The following ADTRP variants were observed in gnomAD, a reference collection of about 807,000 sequenced individuals.
ADTRP encodes the protein androgen-dependent TFPI-regulating protein.
In ADTRP, 20 loss-of-function variants were observed where a neutral mutation model predicts 27.0. The ratio of observed to expected loss-of-function variants is 0.74; its 90% CI spans 0.52 to 1.08. The LOEUF (loss-of-function observed/expected upper bound fraction) is 1.08. ADTRP is among the 50% of genes least tolerant of loss of function. The pLI is 0.00. For missense variants in ADTRP, 251 were observed against 275.0 expected (o/e 0.91, Z 0.62); for synonymous variants, 101 against 105.2 (o/e 0.96, Z 0.25).
intron 1 of ADTRP, chr6:11,770,127 G>T (rs141763751): frequency 2.0e-6 from 3 of 1,524,396 alleles, no homozygotes; most frequent in Non-Finnish European, 2.7e-6. Flanking sequence ...GTTTCTGAGC[G>T]TAGTTCAGAT....
In ADTRP at chr6:11,765,319, G is replaced by GTTTTTTTTTT. The variant is rs770169717; in HGVS notation, c.390+954_390+955insAAAAAAAAAA. The stretch of plus-strand genomic sequence containing the variant: ...GCCACTTCCTTGTGCCTTTCCCCTG[G>GTTTTTTTTTT]TTTGTTTTTTTTTTTTTTTTTTTTT... On this transcript the variant is annotated intron_variant, in intron 3 of 5. Coordinates refer to ENST00000414691, the MANE Select transcript of ADTRP (RefSeq NM_032744.4). Among the ~76,000 whole-genome samples, 6 of 112,524 alleles carry GTTTTTTTTTT rather than the reference G, an allele frequency of 5.3e-5. 1 individual carries two copies. The highest frequency in any genetic ancestry group is 8.8e-5 in the Non-Finnish European group (5 of 56,548). The allele number at this position is 112,524 out of a possible 152,430, so 73.8% of individuals were successfully genotyped here.
intron 3 of ADTRP, among the ~76,000 whole-genome samples, chr6:11,765,489 G>A (rs1317222647): frequency 6.6e-6 from 1 of 151,756 alleles, no homozygotes; most frequent in Non-Finnish European, 1.5e-5. Context: ...CACCACACCC[G>A]GCTATCCCCT....
Position 11,735,653 on chromosome 6 carries a change from C to T in ADTRP, c.421G>A (p.Glu141Lys). The T allele has an allele frequency of 6.2e-7, 1 of 1,613,932 alleles. No homozygotes were observed. The highest frequency in any genetic ancestry group is 8.5e-7 in the Non-Finnish European group (1 of 1,179,862). ...HTFIFPITLA[E>K]VVLRPHSYPS... The stretch of plus-strand genomic sequence containing the variant: ...TAGGAGTGAGGCCTGAGGACGACTT[C>T]AGCCAATGTGATGGGGAATATGAAA... The change falls in exon 4 of 6, where the codon GAA becomes AAA. Residue 141 changes from glutamate (E) to lysine (K), a missense_variant. By Grantham distance (56) the Glu-to-Lys change is moderately conservative. Coordinates refer to ENST00000414691, the MANE Select transcript of ADTRP (RefSeq NM_032744.4).
intron 1 of ADTRP, among the ~76,000 whole-genome samples, chr6:11,773,045 G>A (rs928727106): frequency 6.6e-6 from 1 of 152,172 alleles, no homozygotes; most frequent in African/African-American, 2.4e-5. Context: ...CTTCATGATG[G>A]GATGGCCTCA....
chr6:11,763,168 T>A (rs1023796796), intron 3 of ADTRP, among the ~76,000 whole-genome samples: 1 of 152,210 alleles, frequency 6.6e-6, no homozygotes, highest in Non-Finnish European at 1.5e-5. Flanking sequence ...AAATGTCTGT[T>A]AGAGACACAA....
chr6:11,717,232 CCGACTTG>C, intron 5 of ADTRP: 1 of 1,253,658 alleles, frequency 8.0e-7, no homozygotes, highest in South Asian at 1.4e-5. Context: ...TAGATTCACC[CCGACTTG>C]TTTTATTCCT....
intron 1 of ADTRP, among the ~76,000 whole-genome samples, chr6:11,774,177 G>A (rs192674500): frequency 2.0e-5 from 3 of 152,182 alleles, no homozygotes; most frequent in Non-Finnish European, 4.4e-5. Context: ...AGGCATGGTG[G>A]TGCATGCTGT....
In ADTRP at chr6:11,720,454, C is replaced by T. The variant is rs142276668; in HGVS notation, c.658+2895G>A. 8.3e-3 allele frequency among the ~76,000 whole-genome samples: 1,244 copies of T among 149,538 alleles called. 9 individuals carry two copies. Among genetic ancestry groups the T allele is most frequent in the Middle Eastern group, 0.021 (6 of 290 alleles). On this transcript the variant is annotated intron_variant, in intron 5 of 5. Transcript: ENST00000414691. ...TGCCACAGAATACATGGTTGGTTTG[C>T]GGCCAGGTGAGGGATATACCCTTTT...
intron 3 of ADTRP, among the ~76,000 whole-genome samples, chr6:11,746,788 GC>G (rs1350111510): frequency 6.6e-6 from 1 of 152,138 alleles, no homozygotes; most frequent in Non-Finnish European, 1.5e-5. Flanking sequence ...CCAGGCGCTT[GC>G]CCCTTGTGTT....
At chr6:11,759,556 T>C (rs771362916) in intron 3 of ADTRP, among the ~76,000 whole-genome samples, 1 of 152,278 alleles carries the variant, frequency 6.6e-6, no homozygotes, top group Non-Finnish European at 1.5e-5. Flanking sequence ...AGTTTTGCTA[T>C]ATGTAGTGTA....
At chr6:11,725,526 A>G (rs1762162343) in intron 4 of ADTRP, among the ~76,000 whole-genome samples, 1 of 152,244 alleles carries the variant, frequency 6.6e-6, no homozygotes, top group African/African-American at 2.4e-5. Context: ...TAAAAAGACA[A>G]GATAACAAGT....
intron 5 of ADTRP, among the ~76,000 whole-genome samples, chr6:11,721,200 G>A (rs1368585772): frequency 1.3e-5 from 2 of 152,196 alleles, no homozygotes; most frequent in Non-Finnish European, 2.9e-5. Context: ...GCATGAGTAT[G>A]AACCAGGCAA....
At chr6:11,726,110 C>T (rs1401475695) in intron 4 of ADTRP, among the ~76,000 whole-genome samples, 1 of 152,108 alleles carries the variant, frequency 6.6e-6, no homozygotes, top group African/African-American at 2.4e-5. Flanking sequence ...ACTTTGAAGA[C>T]ATGGTAAGTG....
intron 3 of ADTRP, among the ~76,000 whole-genome samples, chr6:11,741,415 A>ATTC (rs1762711491): frequency 6.6e-6 from 1 of 152,248 alleles, no homozygotes; most frequent in African/African-American, 2.4e-5. Flanking sequence ...TGGGGGAAAC[A>ATTC]TGAATAGTCT....
At chr6:11,724,352 C>T (rs1052163189) in intron 4 of ADTRP, among the ~76,000 whole-genome samples, 12 of 152,140 alleles carry the variant, frequency 7.9e-5, no homozygotes, top group Admixed American at 3.9e-4. Context: ...ATTTAACTGT[C>T]GGCCCTGATT....
intron 3 of ADTRP, among the ~76,000 whole-genome samples, chr6:11,752,270 TATGAA>T (rs1247410585): frequency 1.3e-5 from 2 of 152,220 alleles, no homozygotes; most frequent in Admixed American, 6.5e-5. Context: ...TTGGGTGTCT[TATGAA>T]ATATTTTTTT....
chr6:11,755,001 G>A (rs1244106601), intron 3 of ADTRP: 1 of 979,648 alleles, frequency 1.0e-6, no homozygotes, highest in Non-Finnish European at 1.2e-6. Flanking sequence ...TAGTATTTCA[G>A]AGAGATTTAG....
intron 1 of ADTRP, 28 bp from the exon 2 acceptor site, chr6:11,768,411 T>C (rs2113339433): frequency 6.2e-7 from 1 of 1,612,564 alleles, no homozygotes; most frequent in East Asian, 2.2e-5. Context: ...AATGAGGGCA[T>C]TTTCATTTAC....
intron 3 of ADTRP, among the ~76,000 whole-genome samples, chr6:11,759,884 G>A (rs1350334412): frequency 1.3e-5 from 2 of 152,276 alleles, no homozygotes; most frequent in Non-Finnish European, 2.9e-5. Context: ...TGAAGATGGT[G>A]GAAGCAGAGG....
Sources: gnomAD v4.1 joint callset for allele counts (sites outside exome capture counted in the v4.1 genomes callset) on GRCh38, gnomAD v4.1.1 for gene constraint, MANE v1.5 for transcripts, NCBI Gene and HGNC (gene_info 2026-07-23, HGNC 2026-07-21) for gene names.